The following PTPRU variants were observed in gnomAD, a reference collection of about 807,000 sequenced individuals.
PTPRU encodes the protein protein tyrosine phosphatase receptor type U.
Under a neutral mutation model 166.3 loss-of-function variants are expected in PTPRU, and 69 were observed. The ratio of observed to expected loss-of-function variants is 0.41; its 90% CI spans 0.34 to 0.51. The LOEUF (loss-of-function observed/expected upper bound fraction) is 0.51. PTPRU is among the 20% of genes least tolerant of loss of function. The probability of loss-of-function intolerance (pLI) is 0.09; values close to 1 mark genes in which losing one functional copy is unlikely to be tolerated. For synonymous variants in PTPRU, 793 were observed against 814.0 expected, an observed-to-expected ratio of 0.97 and a Z score of 0.44; for missense variants, 1,657 against 2,013.7, an observed-to-expected ratio of 0.82 and a Z score of 3.39.
chr1:29,324,849 T>A (rs1255038967), intron 28 of PTPRU, among the ~76,000 whole-genome samples: 1 of 149,194 alleles, frequency 6.7e-6, no homozygotes. Context: ...CCCCTCACCT[T>A]GGGCTCTTTG....
Position 29,316,191 on chromosome 1 carries a change from GTC to G in PTPRU, c.3513+42_3513+43del, listed in dbSNP as rs765549439. 4.9e-5 allele frequency: 77 copies of G among 1,579,166 alleles called. No individual in the cohort carries two copies. In the African/African-American group the frequency reaches 9.4e-4, roughly 19 times the overall value. ...CGTGTGTATAGGTGTGTGTGTGTGT[GTC>G]TGTGTGTGTGTTGGGGCATCCTTAA... On this transcript the variant is annotated intron_variant, in intron 24 of 29. Coordinates refer to ENST00000373779, the MANE Select transcript of PTPRU (RefSeq NM_133178.4).
chr1:29,284,379 C>G (rs1428856541), intron 13 of PTPRU, among the ~76,000 whole-genome samples: 1 of 152,148 alleles, frequency 6.6e-6, no homozygotes, highest in African/African-American at 2.4e-5. Context: ...ACTAACCATG[C>G]CCTAGGTACA....
At chr1:29,319,403 T>C (rs914321528) in intron 25 of PTPRU, among the ~76,000 whole-genome samples, 3 of 152,190 alleles carry the variant, frequency 2.0e-5, no homozygotes, top group African/African-American at 7.2e-5. Flanking sequence ...TGTCCCCTCC[T>C]GAGGTCCTTG....
At chr1:29,264,907 T>C (rs940149866) in intron 7 of PTPRU, among the ~76,000 whole-genome samples, 1 of 152,256 alleles carries the variant, frequency 6.6e-6, no homozygotes, top group Non-Finnish European at 1.5e-5. Flanking sequence ...GTTTCCTTCA[T>C]CCAAGTTGTG....
Position 29,323,366 on chromosome 1 carries a change from C to T in PTPRU, c.3829-5C>T, listed in dbSNP as rs767308559. 1 of 1,604,582 alleles carries T rather than the reference C, an allele frequency of 6.2e-7. No individual in the cohort carries two copies. The highest frequency in any genetic ancestry group is 1.7e-5 in the Admixed American group (1 of 59,014). On this transcript the variant is annotated splice_region_variant and splice_polypyrimidine_tract_variant and intron_variant, in intron 26 of 29. Transcript: ENST00000373779. ...CAGCTCTCCCCTCTCCGTGCTTATG[C>T]CCAGCCCTGCCTGCAGTACTGGCCA...
At position 29,237,616 on chromosome 1, in the gene PTPRU, C is replaced by T. The variant is rs1683829719; in HGVS notation, c.73+899C>T. ...GGGCCGGAACAAGTTGTCGCGGCGG[C>T]GCCCCCTGGGCTGCCCGGGTCGGGC... On this transcript the variant is annotated intron_variant, in intron 1 of 29. Transcript: ENST00000373779. This position sits in a 1 kb window ranked among gnomAD's most constrained non-coding sequence, Gnocchi z 6.4. 1.3e-5 allele frequency among the ~76,000 whole-genome samples: 2 copies of T among 151,124 alleles called. No individual in the cohort carries two copies. The highest frequency in any genetic ancestry group is 3.4e-3 in the Middle Eastern group (1 of 292).
At chr1:29,284,014 G>A in intron 13 of PTPRU, 38 bp downstream of exon 13, 1 of 1,611,836 alleles carries the variant, frequency 6.2e-7, no homozygotes, top group East Asian at 2.2e-5. Flanking sequence ...TCAGCGGCAG[G>A]TTTCTCACCT....
At position 29,259,864 on chromosome 1, in the gene PTPRU, C is replaced by T; in HGVS notation, c.676-6C>T. ...GCCCCTGACCCCCTCACTCTCTTCC[C>T]TGCAGCGGCAGAGCGGGGCGCTGGT... is the stretch of plus-strand genomic sequence containing the variant. On this transcript the variant is annotated splice_polypyrimidine_tract_variant and splice_region_variant and intron_variant, in intron 5 of 29. Coordinates refer to ENST00000373779, the MANE Select transcript of PTPRU (RefSeq NM_133178.4). 1 of 1,528,682 alleles carries T rather than the reference C, an allele frequency of 6.5e-7. No individual in the cohort carries two copies. Among genetic ancestry groups the T allele is most frequent in the Non-Finnish European group, 8.7e-7 (1 of 1,144,160 alleles). The allele number at this position is 1,528,682 out of a possible 1,614,324, so 94.7% of individuals were successfully genotyped here.
At chr1:29,312,834 A>G in intron 22 of PTPRU, 128 bp downstream of exon 22, 1 of 1,244,130 alleles carries the variant, frequency 8.0e-7, no homozygotes, top group Non-Finnish European at 1.1e-6. Context: ...GATGGAGTGC[A>G]GGAGGGAACG....
Position 29,325,686 on chromosome 1 carries a change from C to G in PTPRU, c.*25C>G, listed in dbSNP as rs1688383388. 13 of 1,572,032 alleles carry G rather than the reference C, an allele frequency of 8.3e-6. No individual in the cohort carries two copies. The highest frequency in any genetic ancestry group is 1.0e-5 in the Non-Finnish European group (12 of 1,151,350). ...GCGGGGCCCTGGCCTGGGGCACCCACTGCACACTCAGGGCCAGACCCACCA... is the reference window on the plus strand; with the variant it reads ...GCGGGGCCCTGGCCTGGGGCACCCAGTGCACACTCAGGGCCAGACCCACCA... On this transcript the variant is annotated 3_prime_UTR_variant, in exon 30 of 30. Coordinates refer to ENST00000373779, the MANE Select transcript of PTPRU (RefSeq NM_133178.4).
chr1:29,254,592 A>T (rs1186379269), intron 1 of PTPRU, among the ~76,000 whole-genome samples: 1 of 152,236 alleles, frequency 6.6e-6, no homozygotes, highest in Non-Finnish European at 1.5e-5. Context: ...TAGGAAAAAT[A>T]GTGGTGCCTG....
chr1:29,263,957 A>G (rs555852705), intron 7 of PTPRU, among the ~76,000 whole-genome samples: 1 of 152,232 alleles, frequency 6.6e-6, no homozygotes, highest in African/African-American at 2.4e-5. Context: ...AGGGCAGATC[A>G]TTTGAGGCCA....
intron 26 of PTPRU, among the ~76,000 whole-genome samples, chr1:29,321,173 G>A (rs1688141221): frequency 6.6e-6 from 1 of 151,296 alleles, no homozygotes; most frequent in Non-Finnish European, 1.5e-5. Flanking sequence ...TGGGACTACA[G>A]GCTGCATCAC....
chr1:29,307,052 T>A (rs1481447995), intron 18 of PTPRU: 2 of 1,527,052 alleles, frequency 1.3e-6, no homozygotes, highest in Admixed American at 3.4e-5. Context: ...ACTCCTGTGC[T>A]CCGTCCACCT....
rs1452825983 is a variant in PTPRU at position 29,325,175 on chromosome 1, TG to T, written c.4113-15del. The T allele has an allele frequency of 6.2e-7, 1 of 1,614,146 alleles. No homozygotes were observed. The highest frequency in any genetic ancestry group is 8.5e-7 in the Non-Finnish European group (1 of 1,179,984). ...TTCCAAGGCCCCGCCCCTCAGCTTT[TG>T]CATCTCTCATTCAGAAACGGGGGAG... On this transcript the variant is annotated splice_polypyrimidine_tract_variant and intron_variant, in intron 28 of 29. Coordinates refer to ENST00000373779, the MANE Select transcript of PTPRU (RefSeq NM_133178.4).
At position 29,279,718 on chromosome 1, in the gene PTPRU, T is replaced by C; in HGVS notation, c.1765+61T>C. 1.3e-6 allele frequency: 2 copies of C among 1,563,000 alleles called. No individual in the cohort carries two copies. The highest frequency in any genetic ancestry group is 1.7e-6 in the Non-Finnish European group (2 of 1,143,706). On this transcript the variant is annotated intron_variant, in intron 10 of 29. Transcript: ENST00000373779. This position sits in a 1 kb window ranked among gnomAD's most constrained non-coding sequence, Gnocchi z 5.2. ...GGTGGCCCAGAATCCCAGGGTTCCA[T>C]GGGCAGAAGGGAAATGGGGGGCATC...
chr1:29,263,661 A>G (rs752169283), intron 7 of PTPRU, among the ~76,000 whole-genome samples: 1 of 152,068 alleles, frequency 6.6e-6, no homozygotes, highest in Non-Finnish European at 1.5e-5. Context: ...ACTTGTTATT[A>G]TCTGTCTTCT....
At chr1:29,256,971 GTCC>G (rs1684798297) in intron 2 of PTPRU, among the ~76,000 whole-genome samples, 1 of 152,164 alleles carries the variant, frequency 6.6e-6, no homozygotes. Flanking sequence ...GACAGTCTTT[GTCC>G]TCCTGGTTCT....
intron 5 of PTPRU, 119 bp from the exon 6 acceptor site, chr1:29,259,751 G>T: frequency 7.5e-7 from 1 of 1,326,880 alleles, no homozygotes; most frequent in Non-Finnish European, 1.0e-6. Flanking sequence ...TTAGAGCGCG[G>T]CTCCAGGAAC....
Sources: gnomAD v4.1 joint callset for allele counts (sites outside exome capture counted in the v4.1 genomes callset) on GRCh38, gnomAD v4.1.1 for gene constraint, Gnocchi (gnomAD v3.1) non-coding constraint, MANE v1.5 for transcripts, NCBI Gene and HGNC (gene_info 2026-07-23, HGNC 2026-07-21) for gene names.